The following SLC14A2 variants were observed in gnomAD, a reference collection of about 807,000 sequenced individuals.
The protein encoded by SLC14A2 is urea transporter 2.
Under a neutral mutation model 104.6 loss-of-function variants are expected in SLC14A2, and 91 were observed. That is an observed-to-expected ratio of 0.87 (90% CI 0.73 to 1.04). The LOEUF (loss-of-function observed/expected upper bound fraction) is 1.04, where lower values mean the gene tolerates loss of function less well. Among genes scored for constraint, SLC14A2 ranks in the 50% least tolerant of loss-of-function variants. SLC14A2 has a pLI of 0.00. For missense variants in SLC14A2, 1,189 were observed against 1,156.0 expected (o/e 1.03, Z -0.41); for synonymous variants, 476 against 466.4 (o/e 1.02, Z -0.27).
intron 10 of SLC14A2, among the ~76,000 whole-genome samples, chr18:45,652,177 G>T (rs967797296): frequency 1.9e-4 from 29 of 152,260 alleles, no homozygotes; most frequent in African/African-American, 7.0e-4. Context: ...GGCAGTTTCA[G>T]TATGGGCATG....
At chr18:45,538,953 T>A (rs1393257857) in intron 2 of SLC14A2, among the ~76,000 whole-genome samples, 1 of 151,078 alleles carries the variant, frequency 6.6e-6, no homozygotes. Flanking sequence ...ATCCCTTCCT[T>A]CCTGCCACAG....
Position 45,632,409 on chromosome 18 carries a change from C to T in SLC14A2, c.581C>T (p.Ala194Val), listed in dbSNP as rs34617147. The T allele has an allele frequency of 2.7e-5, 44 of 1,614,088 alleles. No homozygotes were observed. The African/African-American group carries it at 5.5e-4, about 20-fold the overall frequency. The change falls in exon 5 of 20, where the codon GCC becomes GTC. Residue 194 changes from alanine to valine, a missense_variant. Ala to Val is a moderately conservative substitution (Grantham distance 64). Transcript: ENST00000255226. ...YNGMLVGLLM[A>V]VFSEKLDYYW... ...GGGATGCTGGTGGGACTGCTGATGG[C>T]CGTGTTCTCGGAGAAGTTAGACTAC...
At chr18:45,464,550 G>A (rs766606269) in intron 1 of SLC14A2, among the ~76,000 whole-genome samples, 4 of 152,200 alleles carry the variant, frequency 2.6e-5, no homozygotes, top group African/African-American at 9.6e-5. Context: ...ATAAAGCCCG[G>A]CATGAGTGGC....
At chr18:45,570,072 C>A (rs2044323923) in intron 2 of SLC14A2, among the ~76,000 whole-genome samples, 1 of 152,150 alleles carries the variant, frequency 6.6e-6, no homozygotes. Flanking sequence ...TGTCTTTCAT[C>A]CTATAGCAAG....
intron 2 of SLC14A2, among the ~76,000 whole-genome samples, chr18:45,577,091 G>A (rs1444306314): frequency 1.3e-5 from 2 of 151,690 alleles, no homozygotes; most frequent in African/African-American, 4.9e-5. Context: ...AGGTAGTTGG[G>A]GCACAGGCTC....
At chr18:45,667,330 C>G (rs955850577) in intron 13 of SLC14A2, among the ~76,000 whole-genome samples, 1 of 152,212 alleles carries the variant, frequency 6.6e-6, no homozygotes, top group African/African-American at 2.4e-5. Flanking sequence ...CATTTCTGAA[C>G]AGAACACTTC....
intron 1 of SLC14A2, among the ~76,000 whole-genome samples, chr18:45,409,467 A>T (rs1240704600): frequency 1.3e-5 from 2 of 152,214 alleles, no homozygotes; most frequent in Non-Finnish European, 2.9e-5. Flanking sequence ...AAAGCAAGAT[A>T]TTTATTAGCA....
intron 2 of SLC14A2, among the ~76,000 whole-genome samples, chr18:45,608,896 G>A (rs767114576): frequency 7.2e-5 from 11 of 152,194 alleles, no homozygotes; most frequent in Non-Finnish European, 1.0e-4. Flanking sequence ...TTCATGCCAG[G>A]TCCCCTCTGC....
At position 45,667,451 on chromosome 18, in the gene SLC14A2, G is replaced by T. The variant is rs144474552; in HGVS notation, c.1717+357G>T. Among the ~76,000 whole-genome samples the T allele has an allele frequency of 2.0e-3, 308 of 152,318 alleles. 3 individuals are homozygous for T. Among genetic ancestry groups the T allele is most frequent in the African/African-American group, 7.2e-3 (298 of 41,564 alleles). ...TCTGGATGGTTCATGGGAGAACTGT[G>T]TCTACCATGCCAATAGGTTCTCTTT... On this transcript the variant is annotated intron_variant, in intron 13 of 19. Transcript: ENST00000255226.
chr18:45,461,731 G>C (rs1461171625), intron 1 of SLC14A2, among the ~76,000 whole-genome samples: 1 of 152,188 alleles, frequency 6.6e-6, no homozygotes, highest in Non-Finnish European at 1.5e-5. Flanking sequence ...TCTCTCACAA[G>C]TGCCTAAAAT....
chr18:45,408,080 A>G (rs1038320438), intron 1 of SLC14A2, among the ~76,000 whole-genome samples: 2 of 152,168 alleles, frequency 1.3e-5, no homozygotes, highest in Admixed American at 6.5e-5. Context: ...GTGAAGTGCA[A>G]TCAAACAAGG....
intron 1 of SLC14A2, among the ~76,000 whole-genome samples, chr18:45,244,331 G>T (rs2084347660): frequency 6.6e-6 from 1 of 152,082 alleles, no homozygotes; most frequent in Non-Finnish European, 1.5e-5. Context: ...AAAAAGCCGG[G>T]GGGAGGGGGG....
intron 1 of SLC14A2, among the ~76,000 whole-genome samples, chr18:45,306,444 C>T (rs903809550): frequency 6.6e-6 from 1 of 152,082 alleles, no homozygotes; most frequent in East Asian, 1.9e-4. Context: ...TCATAGCTAC[C>T]GGACCCTGCC....
At chr18:45,205,682 A>G in the SLC14A2 span, among the ~76,000 whole-genome samples, 1 of 152,190 alleles carries the variant, frequency 6.6e-6, no homozygotes, top group Admixed American at 6.5e-5. Flanking sequence ...GGGTTTTAGA[A>G]ATCTTTTCTG....
At chr18:45,341,234 G>A (rs961552748) in intron 1 of SLC14A2, among the ~76,000 whole-genome samples, 10 of 151,520 alleles carry the variant, frequency 6.6e-5, no homozygotes, top group Admixed American at 4.6e-4. Flanking sequence ...TGGGCCAAGT[G>A]TAAAGCAAAA....
chr18:45,260,410 T>C (rs545494147), intron 1 of SLC14A2, among the ~76,000 whole-genome samples: 2 of 152,318 alleles, frequency 1.3e-5, no homozygotes, highest in East Asian at 3.9e-4. Flanking sequence ...GCATTTACCA[T>C]GTTGCAAGTC....
chr18:45,594,077 T>C (rs560429542), intron 2 of SLC14A2, among the ~76,000 whole-genome samples: 3 of 152,186 alleles, frequency 2.0e-5, no homozygotes, highest in Admixed American at 6.5e-5. Context: ...AAAATTTGAT[T>C]TGAATGAGGA....
At chr18:45,372,128 G>A (rs904075632) in intron 1 of SLC14A2, among the ~76,000 whole-genome samples, 5 of 151,932 alleles carry the variant, frequency 3.3e-5, no homozygotes, top group Non-Finnish European at 5.9e-5. Flanking sequence ...TCTGGCCAAC[G>A]TGGCAAAACT....
At position 45,465,166 on chromosome 18, in the gene SLC14A2, G is replaced by C. The variant is rs1421430984; in HGVS notation, c.-124-18067G>C. 3.3e-5 allele frequency among the ~76,000 whole-genome samples: 5 copies of C among 152,160 alleles called. No homozygotes were observed. The South Asian group carries it at 8.3e-4, about 25-fold the overall frequency. ...GACAGAGGAGGGTCAGAGAGAGAGA[G>C]AAATGCAGAAAGAAACGGAGAGAAG... On this transcript the variant is annotated intron_variant, in intron 1 of 20. Transcript: ENST00000586448.
Sources: allele counts gnomAD v4.1 joint callset (sites outside exome capture counted in the v4.1 genomes callset), GRCh38; gene constraint gnomAD v4.1.1; transcripts MANE v1.5; gene names NCBI Gene and HGNC (gene_info 2026-07-23, HGNC 2026-07-21).